C9orf72: variants seen among roughly 807,000 people sequenced by gnomAD.
C9orf72 encodes C9orf72-SMCR8 complex subunit.
In C9orf72, 44 loss-of-function variants were observed where a neutral mutation model predicts 51.6. That is an observed-to-expected ratio of 0.85 (90% CI 0.67 to 1.10). C9orf72 has a LOEUF of 1.10. Among genes scored for constraint, C9orf72 ranks in the 50% least tolerant of loss-of-function variants. The pLI, the probability that C9orf72 is intolerant of heterozygous loss-of-function variation, is 0.00. For missense variants in C9orf72, 607 were observed against 570.6 expected (o/e 1.06, Z -0.65); for synonymous variants, 213 against 194.2 (o/e 1.10, Z -0.81).
chr9:27,561,007 A>C, intron 5 of C9orf72: 1 of 174,364 alleles, frequency 5.7e-6, no homozygotes, highest in Admixed American at 6.5e-5. Context: ...GCACTGTTCT[A>C]AGTGCTTTAT....
At chr9:27,565,230 C>A (rs532957355) in intron 3 of C9orf72, among the ~76,000 whole-genome samples, 3 of 151,960 alleles carry the variant, frequency 2.0e-5, no homozygotes, top group South Asian at 2.1e-4. Flanking sequence ...AAGAACATAT[C>A]AGAGACAATT....
At chr9:27,559,541 A>C (rs1261351834) in intron 6 of C9orf72, 1 of 152,186 alleles carries the variant, frequency 6.6e-6, no homozygotes. Context: ...ATATCTTTGT[A>C]AAGTATCATT....
chr9:27,552,460 C>A (rs1820927602), intron 8 of C9orf72, among the ~76,000 whole-genome samples: 1 of 151,922 alleles, frequency 6.6e-6, no homozygotes. Flanking sequence ...ACAATCCTCC[C>A]ACCTCAACCT....
chr9:27,548,464 A>AAAAAAAAC, intron 10 of C9orf72, 42 bp from the exon 11 acceptor site: 1 of 1,228,960 alleles, frequency 8.1e-7, no homozygotes, highest in South Asian at 1.6e-5. Context: ...AAAAAAAAGA[A>AAAAAAAAC]GCGCAAAAAT....
chr9:27,573,208 GCGCCGC>G (rs546630378), intron 1 of C9orf72, among the ~76,000 whole-genome samples: 2 of 151,796 alleles, frequency 1.3e-5, no homozygotes, highest in African/African-American at 4.8e-5. Flanking sequence ...CCTTGTCCCT[GCGCCGC>G]CGCCGCCGCC....
rs1487087915 is a variant in C9orf72 at position 27,564,132 on chromosome 9, A to G, written c.504+1399T>C. Among the ~76,000 whole-genome samples, 10 of 145,756 alleles carry G rather than the reference A, an allele frequency of 6.9e-5. No individual in the cohort carries two copies. In the Admixed American group the frequency reaches 6.9e-4, roughly 10 times the overall value. On this transcript the variant is annotated intron_variant, in intron 3 of 10. Coordinates refer to ENST00000380003, the MANE Select transcript of C9orf72 (RefSeq NM_018325.5). ...ACATTATCAGTATAAGTGAATGAAT[A>G]GCCTCACTGAAGCTCAACAACACCA...
At chr9:27,569,591 G>A (rs1819542782) in intron 1 of C9orf72, among the ~76,000 whole-genome samples, 1 of 152,206 alleles carries the variant, frequency 6.6e-6, no homozygotes, top group Non-Finnish European at 1.5e-5. Flanking sequence ...GGTACATAAA[G>A]GCTATACTAT....
At chr9:27,567,195 G>C (rs906393333) in intron 1 of C9orf72, 31 bp from the exon 2 acceptor site, 2 of 1,285,000 alleles carry the variant, frequency 1.6e-6, no homozygotes, top group African/African-American at 1.5e-5. Context: ...CCAATGATTA[G>C]GTTCAGCAAT....
At chr9:27,570,540 G>A (rs1819562611) in intron 1 of C9orf72, among the ~76,000 whole-genome samples, 1 of 151,916 alleles carries the variant, frequency 6.6e-6, no homozygotes, top group Non-Finnish European at 1.5e-5. Flanking sequence ...CTATTATACT[G>A]CTAGTTACAC....
chr9:27,573,457 C>G lies in C9orf72; in HGVS notation c.-71G>C, dbSNP rs934443061. On this transcript the variant is annotated 5_prime_UTR_variant, in exon 1 of 11. Coordinates refer to ENST00000380003, the MANE Select transcript of C9orf72 (RefSeq NM_018325.5). ...CACTCGCCACCGCCTGCGCCTCCGC[C>G]GCCGCGGGCGCAGGCACCGCAACCG... is the stretch of plus-strand genomic sequence containing the variant. The G allele has an allele frequency of 2.7e-5, 4 of 149,850 alleles. No homozygotes were observed. Among genetic ancestry groups the G allele is most frequent in the Non-Finnish European group, 6.0e-5 (4 of 67,088 alleles). The allele number at this position is 149,850 out of a possible 1,614,324, so 9.3% of individuals were successfully genotyped here.
At chr9:27,548,756 A>C in intron 9 of C9orf72, 90 bp from the exon 10 acceptor site, 4 of 715,140 alleles carry the variant, frequency 5.6e-6, no homozygotes, top group Admixed American at 2.1e-5. Context: ...TGCTTGGCAG[A>C]CAATACACAC....
Position 27,566,930 on chromosome 9 carries a change from T to C in C9orf72, c.191A>G (p.Asn64Ser). 3 of 1,614,116 alleles carry C rather than the reference T, an allele frequency of 1.9e-6. No individual in the cohort carries two copies. The highest frequency in any genetic ancestry group is 1.1e-5 in the South Asian group (1 of 91,088). Reference sequence around the variant, plus strand: ...AAGGATTTCTCCATTTAGAGTGTGGTTGGCAAGAAAAGTTATTTCTCCATC... The same window carrying C: ...AAGGATTTCTCCATTTAGAGTGTGGCTGGCAAGAAAAGTTATTTCTCCATC... ...LSDGEITFLA[N>S]HTLNGEILRN... The change falls in exon 2 of 11, where the codon AAC becomes AGC. Residue 64 changes from asparagine to serine, a missense_variant. Coordinates refer to ENST00000380003, the MANE Select transcript of C9orf72 (RefSeq NM_018325.5).
chr9:27,556,701 C>T lies in C9orf72; in HGVS notation c.951G>A (p.Gln317=), dbSNP rs758101832. The part of the protein sequence containing the change: ...HIDVDVNTVK[Q]MPPCHEHIYN... ...AAATATGTTCATGACAGGGTGGCAT[C>T]TGCTTCACAGTATTGACATCCACAT... The change falls in exon 8 of 11, where the codon CAG becomes CAA. Residue 317 remains glutamine (Q), a synonymous_variant. Transcript: ENST00000380003. The T allele has an allele frequency of 5.0e-6, 8 of 1,613,950 alleles. No individual in the cohort carries two copies. Among genetic ancestry groups the T allele is most frequent in the Non-Finnish European group, 6.8e-6 (8 of 1,179,878 alleles).
chr9:27,556,364 C>A, intron 8 of C9orf72, 197 bp downstream of exon 8: 1 of 576,730 alleles, frequency 1.7e-6, no homozygotes, highest in Non-Finnish European at 3.1e-6. Flanking sequence ...TTAATCTTAC[C>A]TATTTTAGGG....
rs1382266020 is a variant in C9orf72 at position 27,558,435 on chromosome 9, A to T, written c.855+56T>A. ...TAATATTTAAGATTTGTCTATAAAGAGTCTCAAAAATGATTTTAGAAAAGT... is the reference window on the plus strand; with the variant it reads ...TAATATTTAAGATTTGTCTATAAAGTGTCTCAAAAATGATTTTAGAAAAGT... On this transcript the variant is annotated intron_variant, in intron 7 of 10. Transcript: ENST00000380003. 10 of 895,716 alleles carry T rather than the reference A, an allele frequency of 1.1e-5. No individual in the cohort carries two copies. In the South Asian group the frequency reaches 1.4e-4, roughly 12 times the overall value. The allele number at this position is 895,716 out of a possible 1,614,324, so 55.5% of individuals were successfully genotyped here.
intron 1 of C9orf72, among the ~76,000 whole-genome samples, chr9:27,572,005 G>A (rs548934791): frequency 1.3e-5 from 2 of 152,324 alleles, no homozygotes; most frequent in South Asian, 4.1e-4. Context: ...GGCTAACCTA[G>A]TCCTCCTGGG....
intron 9 of C9orf72, among the ~76,000 whole-genome samples, chr9:27,550,137 T>C (rs1820876501): frequency 6.6e-6 from 1 of 150,572 alleles, no homozygotes. Context: ...TATAAACATA[T>C]ATATATCCTA....
intron 8 of C9orf72, among the ~76,000 whole-genome samples, chr9:27,554,114 T>C (rs1301992344): frequency 6.6e-6 from 1 of 152,178 alleles, no homozygotes; most frequent in Non-Finnish European, 1.5e-5. Flanking sequence ...TGAAGATTTC[T>C]CAAATAACTG....
At chr9:27,567,610 G>A (rs10757669) in intron 1 of C9orf72, among the ~76,000 whole-genome samples, 30,464 of 152,128 alleles carry the variant, frequency 0.2, 3,233 homozygotes, top group Non-Finnish European at 0.23. Flanking sequence ...ACACTTGTGG[G>A]TTGAATTGTG....
Sources: allele counts gnomAD v4.1 joint callset (sites outside exome capture counted in the v4.1 genomes callset), GRCh38; gene constraint gnomAD v4.1.1; transcripts MANE v1.5; gene names NCBI Gene and HGNC (gene_info 2026-07-23, HGNC 2026-07-21).